Variants in TRPM4 observed in about 807,000 individuals in gnomAD.
The protein encoded by TRPM4 is calcium-activated non-selective cation channel 1.
A neutral mutation model predicts 135.6 loss-of-function variants in TRPM4; 124 were observed. That is an observed-to-expected ratio of 0.91 (90% CI 0.79 to 1.06). The LOEUF (loss-of-function observed/expected upper bound fraction) is 1.06. Ranked by LOEUF, TRPM4 falls within the 50% of genes least tolerant of loss-of-function variation. TRPM4 has a pLI of 0.00. For missense variants in TRPM4, 1,658 were observed against 1,671.4 expected (o/e 0.99, Z 0.14); for synonymous variants, 745 against 705.6 (o/e 1.06, Z -0.88).
chr19:49,210,515 A>AG lies in TRPM4; in HGVS notation c.3328+114dup. 6.8e-7 allele frequency: 1 copy of AG among 1,462,236 alleles called. No homozygotes were observed. The highest frequency in any genetic ancestry group is 1.2e-5 in the South Asian group (1 of 85,112). 90.6% of individuals were successfully genotyped at this position (1,462,236 alleles called of 1,614,324 possible). On this transcript the variant is annotated intron_variant, in intron 21 of 24. Coordinates refer to ENST00000252826, the MANE Select transcript of TRPM4 (RefSeq NM_017636.4). The surrounding 1 kb of genome is among the most constrained non-coding windows in gnomAD (Gnocchi z 4.1). ...ACTAACGGGCGTGGCTTAGGTAGCG[A>AG]GGGGCGGGGTTTAAGCAACAAGGGG...
In TRPM4 at chr19:49,210,810, C is replaced by G. The variant is rs1969332026; in HGVS notation, c.3429C>G (p.Ser1143Arg). The G allele has an allele frequency of 6.2e-7, 1 of 1,613,096 alleles. No individual in the cohort carries two copies. Among genetic ancestry groups the G allele is most frequent in the Admixed American group, 1.7e-5 (1 of 59,776 alleles). ...CACGCGCTAGGGACAAGCGGGAGAG[C>G]GACTCCGAGCGTCTGAAGCGCACGT... is the stretch of plus-strand genomic sequence containing the variant. ...LLARARDKRE[S>R]DSERLKRTSQ... is the part of the protein sequence containing the mutation. The change falls in exon 22 of 25, where the codon AGC (serine) becomes AGG (arginine). Residue 1143 changes from serine to arginine, a missense_variant. Around this residue, in one of 3 missense-constraint regions of TRPM4, gnomAD observed 1,412 missense variants for 1,408.7 expected, o/e 1.00. Transcript: ENST00000252826. The surrounding 1 kb of genome is among the most constrained non-coding windows in gnomAD (Gnocchi z 4.1).
chr19:49,161,958 G>A (rs916160036), intron 2 of TRPM4, among the ~76,000 whole-genome samples: 1 of 152,134 alleles, frequency 6.6e-6, no homozygotes, highest in Non-Finnish European at 1.5e-5. Context: ...TGAGTTACTT[G>A]ACTGGCCTCT....
At chr19:49,168,135 G>C in intron 4 of TRPM4, 38 bp downstream of exon 4, 1 of 1,592,618 alleles carries the variant, frequency 6.3e-7, no homozygotes, top group Non-Finnish European at 8.6e-7. Flanking sequence ...CCTGGGCCTC[G>C]GCCTGCCTGC....
intron 6 of TRPM4, among the ~76,000 whole-genome samples, chr19:49,170,697 C>A (rs1967420123): frequency 1.3e-5 from 2 of 152,150 alleles, no homozygotes; most frequent in Admixed American, 1.3e-4. Flanking sequence ...CATTCAGGGA[C>A]TCAGGAGTCT....
intron 19 of TRPM4, among the ~76,000 whole-genome samples, chr19:49,200,989 CTTTCTTT>C (rs1968910045): frequency 6.7e-6 from 1 of 149,942 alleles, no homozygotes. Flanking sequence ...TTCTGTCTGT[CTTTCTTT>C]TTTCTTTTTT....
At chr19:49,197,053 G>A (rs904553269) in intron 17 of TRPM4, among the ~76,000 whole-genome samples, 179 bp downstream of exon 17, 2 of 152,208 alleles carry the variant, frequency 1.3e-5, no homozygotes, top group Admixed American at 1.3e-4. Context: ...TAATTGGCTG[G>A]CACCTGGAGA....
rs772174086 is a variant in TRPM4, at chr19:49,210,352, T to C, written c.3275T>C (p.Leu1092Ser). ...CACTTGCGCCTCCTGCTCAGGCAAT[T>C]GTGCAGGCGACCCCGGAGCCCCCAG... is the stretch of plus-strand genomic sequence containing the variant. ...ISHLRLLLRQ[L>S]CRRPRSPQPS... is the part of the protein sequence containing the mutation. Residue 1092 changes from leucine (L) to serine (S), a missense_variant, in exon 21 of 25, where the codon TTG (leucine) becomes TCG (serine). By Grantham distance (145) the Leu-to-Ser change is moderately radical. Transcript: ENST00000252826. This position sits in a 1 kb window ranked among gnomAD's most constrained non-coding sequence, Gnocchi z 4.1. 1.9e-6 allele frequency: 3 copies of C among 1,613,990 alleles called. No homozygotes were observed. Among genetic ancestry groups the C allele is most frequent in the African/African-American group, 1.3e-5 (1 of 74,918 alleles).
Position 49,157,828 on chromosome 19 carries a change from G to A in TRPM4, c.-39G>A, listed in dbSNP as rs1025858966. ...AGCAGAGCCGGCGGAGGGAGCGCCG[G>A]GGCCCTGGGCTGCAGGAGGTTGCGG... On this transcript the variant is annotated 5_prime_UTR_variant, in exon 1 of 25. Coordinates refer to ENST00000252826, the MANE Select transcript of TRPM4 (RefSeq NM_017636.4). 2 of 1,533,768 alleles carry A rather than the reference G, an allele frequency of 1.3e-6. No homozygotes were observed. The highest frequency in any genetic ancestry group is 2.4e-5 in the East Asian group (1 of 40,904).
chr19:49,182,670 C>T lies in TRPM4; in HGVS notation c.1356C>T (p.Gly452=), dbSNP rs769228421. 4 of 1,614,096 alleles carry T rather than the reference C, an allele frequency of 2.5e-6. No individual in the cohort carries two copies. In the South Asian group the frequency reaches 3.3e-5, roughly 13 times the overall value. Reference sequence around the variant, plus strand: ...TCATTTCCCACGGCCTCAGCCTGGGCCACTTCCTGACCCCGATGCGCCTGG... The same window carrying T: ...TCATTTCCCACGGCCTCAGCCTGGGTCACTTCCTGACCCCGATGCGCCTGG... The part of the protein sequence containing the change: ...RLLISHGLSL[G]HFLTPMRLAQ... Residue 452 remains glycine, a synonymous_variant, in exon 11 of 25, where the codon GGC becomes GGT. Coordinates refer to ENST00000252826, the MANE Select transcript of TRPM4 (RefSeq NM_017636.4).
chr19:49,174,331 T>C (rs907049966), intron 9 of TRPM4, among the ~76,000 whole-genome samples: 2 of 152,082 alleles, frequency 1.3e-5, no homozygotes, highest in African/African-American at 2.4e-5. Context: ...TTTTGTATTT[T>C]TAGTAGAGAC....
At chr19:49,163,785 G>A (rs1967061548) in intron 2 of TRPM4, among the ~76,000 whole-genome samples, 1 of 152,216 alleles carries the variant, frequency 6.6e-6, no homozygotes, top group Non-Finnish European at 1.5e-5. Flanking sequence ...AGCCGTCCTT[G>A]AAGTTTTGCT....
In TRPM4 at chr19:49,171,814, A is replaced by G; in HGVS notation, c.1050+45A>G. On this transcript the variant is annotated intron_variant, in intron 8 of 24. Transcript: ENST00000252826. This position sits in a 1 kb window ranked among gnomAD's most constrained non-coding sequence, Gnocchi z 4.7. ...ACTCTGGATCCTGAGATGGGAGGGAACTGGGGACTTGGGCTCCTGGGTCTG... is the reference window on the plus strand; with the variant it reads ...ACTCTGGATCCTGAGATGGGAGGGAGCTGGGGACTTGGGCTCCTGGGTCTG... The G allele has an allele frequency of 1.3e-6, 2 of 1,586,466 alleles. No individual in the cohort carries two copies. Among genetic ancestry groups the G allele is most frequent in the Non-Finnish European group, 1.7e-6 (2 of 1,163,854 alleles).
At chr19:49,168,769 G>A (rs768414126) in intron 6 of TRPM4, 33 bp downstream of exon 6, 22 of 1,565,102 alleles carry the variant, frequency 1.4e-5, no homozygotes, top group South Asian at 8.2e-5. Context: ...CACAACCCAC[G>A]ACCCACAACC....
At chr19:49,198,879 G>A (rs886295941) in intron 17 of TRPM4, among the ~76,000 whole-genome samples, 6 of 152,012 alleles carry the variant, frequency 3.9e-5, no homozygotes, top group African/African-American at 1.4e-4. Flanking sequence ...GATTACAGGC[G>A]TGAGCTACTA....
chr19:49,186,598 G>C (rs910734837), intron 12 of TRPM4, among the ~76,000 whole-genome samples: 1 of 152,148 alleles, frequency 6.6e-6, no homozygotes, highest in African/African-American at 2.4e-5. Flanking sequence ...CAGGCCGGGT[G>C]CAGTGGCTCA....
intron 2 of TRPM4, among the ~76,000 whole-genome samples, chr19:49,165,398 G>C (rs917588514): frequency 7.2e-5 from 11 of 152,132 alleles, no homozygotes; most frequent in African/African-American, 2.4e-4. Flanking sequence ...CAGTCGTCAG[G>C]AGAACTGAAA....
intron 9 of TRPM4, 119 bp from the exon 10 acceptor site, chr19:49,181,230 G>A: frequency 1.3e-6 from 1 of 778,972 alleles, no homozygotes; most frequent in Non-Finnish European, 2.3e-6. Flanking sequence ...ACTCTGCCCA[G>A]TAGCAACCCC....
chr19:49,195,367 C>A (rs903784322), intron 16 of TRPM4, among the ~76,000 whole-genome samples: 2 of 152,096 alleles, frequency 1.3e-5, no homozygotes, highest in Non-Finnish European at 2.9e-5. Context: ...TCTTCTTCTT[C>A]TTCTTTATTT....
intron 10 of TRPM4, among the ~76,000 whole-genome samples, chr19:49,181,852 C>T (rs892350368): frequency 2.6e-5 from 4 of 151,956 alleles, no homozygotes; most frequent in African/African-American, 9.7e-5. Flanking sequence ...CTTAGACGCC[C>T]CTCAACCCTG....
Sources: gnomAD v4.1 joint callset for allele counts (sites outside exome capture counted in the v4.1 genomes callset) on GRCh38, gnomAD v4.1.1 for gene constraint, gnomAD v4.1.1 regional missense constraint, Gnocchi (gnomAD v3.1) non-coding constraint, MANE v1.5 for transcripts, NCBI Gene and HGNC (gene_info 2026-07-23, HGNC 2026-07-21) for gene names.